The following OTUD7A variants were observed in gnomAD, a reference collection of about 807,000 sequenced individuals.
The protein encoded by OTUD7A is OTU domain-containing protein 7A.
A neutral mutation model predicts 65.7 loss-of-function variants in OTUD7A; 12 were observed. The ratio of observed to expected loss-of-function variants is 0.18; its 90% CI spans 0.12 to 0.30. OTUD7A has a LOEUF of 0.30. Ranked by LOEUF, OTUD7A falls within the 10% of genes least tolerant of loss-of-function variation. OTUD7A has a pLI of 1.00. For synonymous variants in OTUD7A, 641 were observed against 586.3 expected (o/e 1.09, Z -1.35); for missense variants, 1,148 against 1,304.8 (o/e 0.88, Z 1.85).
intron 3 of OTUD7A, among the ~76,000 whole-genome samples, chr15:31,634,355 A>C (rs1009758363): frequency 1.3e-5 from 2 of 152,106 alleles, no homozygotes; most frequent in African/African-American, 2.4e-5. Flanking sequence ...ACAGCAAGCA[A>C]ACCAGCCATG....
intron 10 of OTUD7A, among the ~76,000 whole-genome samples, chr15:31,488,259 C>T: frequency 6.6e-6 from 1 of 152,264 alleles, no homozygotes; most frequent in East Asian, 1.9e-4. Context: ...CAGTGATGAG[C>T]CACTGGCTGG....
intron 3 of OTUD7A, among the ~76,000 whole-genome samples, chr15:31,630,521 C>G (rs1337760563): frequency 6.6e-6 from 1 of 152,030 alleles, no homozygotes; most frequent in Non-Finnish European, 1.5e-5. Context: ...ACTATGTGGT[C>G]AATTTTGGAA....
chr15:31,740,570 A>T (rs1894315612), intron 1 of OTUD7A, among the ~76,000 whole-genome samples: 1 of 152,138 alleles, frequency 6.6e-6, no homozygotes. Context: ...GTGAATTCTC[A>T]ATGTATTTTG....
intron 3 of OTUD7A, among the ~76,000 whole-genome samples, chr15:31,618,648 C>G (rs910969799): frequency 2.0e-5 from 3 of 151,828 alleles, no homozygotes. Context: ...TAAATTTGTT[C>G]GAGTTCTTTG....
chr15:31,568,909 C>T (rs528932151), intron 4 of OTUD7A, among the ~76,000 whole-genome samples: 2 of 152,316 alleles, frequency 1.3e-5, no homozygotes, highest in African/African-American at 4.8e-5. Context: ...GAGGCCTCCC[C>T]AGAAGCTGAG....
At chr15:31,771,860 G>A (rs1243301541) in intron 1 of OTUD7A, among the ~76,000 whole-genome samples, 1 of 152,110 alleles carries the variant, frequency 6.6e-6, no homozygotes, top group Non-Finnish European at 1.5e-5. Flanking sequence ...GACTTGTAGT[G>A]CTCATCCATG....
intron 3 of OTUD7A, among the ~76,000 whole-genome samples, chr15:31,592,262 A>G (rs1247318712): frequency 2.6e-5 from 4 of 152,316 alleles, no homozygotes; most frequent in Non-Finnish European, 5.9e-5. Flanking sequence ...ATAAATTTTT[A>G]AAACTTTTTG....
rs1381156982 is a variant in OTUD7A, at chr15:31,559,172, C to CG, written c.346dup (p.Arg116ProfsTer21). On this transcript the variant is annotated frameshift_variant, in exon 5 of 13. Coordinates refer to ENST00000307050, the MANE Select transcript of OTUD7A (RefSeq NM_001382637.1). LOFTEE classifies it high-confidence loss of function. Reference sequence around the variant, plus strand: ...GGCTGAGCTGGCGTGGGAAATCCCCCGGGAAAGCCGCTTTTCTGCAGGGGG... The same window carrying CG: ...GGCTGAGCTGGCGTGGGAAATCCCCCGGGGAAAGCCGCTTTTCTGCAGGGGG... 2 of 1,613,108 alleles carry CG rather than the reference C, an allele frequency of 1.2e-6. No homozygotes were observed. The highest frequency in any genetic ancestry group is 1.7e-5 in the Admixed American group (1 of 59,982).
intron 1 of OTUD7A, among the ~76,000 whole-genome samples, chr15:31,822,967 C>T (rs1015525477): frequency 2.4e-4 from 36 of 152,148 alleles, no homozygotes; most frequent in African/African-American, 8.7e-4. Context: ...CATGTAAAAA[C>T]TACAGAGAGT....
chr15:31,610,593 T>TTTTATATA (rs1555401165), intron 3 of OTUD7A, among the ~76,000 whole-genome samples: 1 of 81,014 alleles, frequency 1.2e-5, no homozygotes, highest in African/African-American at 6.0e-5. Context: ...AAAAATGAAA[T>TTTTATATA]TATATATATA....
intron 10 of OTUD7A, among the ~76,000 whole-genome samples, chr15:31,491,426 GT>G (rs776483741): frequency 6.6e-6 from 1 of 152,208 alleles, no homozygotes; most frequent in East Asian, 1.9e-4. Context: ...AATCTGATCT[GT>G]AAACCTCAAG....
rs551575037 is a variant in OTUD7A at position 31,571,805 on chromosome 15, T to C, written c.152-1608A>G. On this transcript the variant is annotated intron_variant, in intron 3 of 12. Coordinates refer to ENST00000307050, the MANE Select transcript of OTUD7A (RefSeq NM_001382637.1). ...CGGACTTATCTATACTCCGTGAGTT[T>C]CTCATTCAACTGTTACTAATGCCAT... 2.6e-5 allele frequency among the ~76,000 whole-genome samples: 4 copies of C among 152,260 alleles called. No homozygotes were observed. In the East Asian group the frequency reaches 7.7e-4, roughly 29 times the overall value.
chr15:31,520,458 T>A (rs1350017100), intron 8 of OTUD7A, among the ~76,000 whole-genome samples: 1 of 152,212 alleles, frequency 6.6e-6, no homozygotes, highest in Non-Finnish European at 1.5e-5. Flanking sequence ...TGCAGAAGAA[T>A]GAGATTGGAC....
At chr15:31,611,636 A>G (rs1890424368) in intron 3 of OTUD7A, among the ~76,000 whole-genome samples, 1 of 152,176 alleles carries the variant, frequency 6.6e-6, no homozygotes, top group South Asian at 2.1e-4. Context: ...CAGACCAATA[A>G]CAAGCAGGGA....
intron 3 of OTUD7A, 23 bp from the exon 4 acceptor site, chr15:31,570,220 G>A: frequency 6.2e-7 from 1 of 1,612,282 alleles, no homozygotes. Flanking sequence ...AATGACAAGA[G>A]GTGACAATAC....
At chr15:31,806,936 G>A (rs1896284489) in intron 1 of OTUD7A, among the ~76,000 whole-genome samples, 2 of 152,148 alleles carry the variant, frequency 1.3e-5, no homozygotes, top group African/African-American at 4.8e-5. Flanking sequence ...CCCATCCTAA[G>A]CCATCACCTG....
intron 5 of OTUD7A, among the ~76,000 whole-genome samples, chr15:31,543,057 T>C (rs552675429): frequency 6.6e-6 from 1 of 151,868 alleles, no homozygotes; most frequent in East Asian, 1.9e-4. Flanking sequence ...GGTAAGCATA[T>C]GGGTAAATCA....
At chr15:31,764,518 C>T (rs189574487) in intron 1 of OTUD7A, among the ~76,000 whole-genome samples, 1 of 152,106 alleles carries the variant, frequency 6.6e-6, no homozygotes, top group African/African-American at 2.4e-5. Flanking sequence ...CAAGTTTGTA[C>T]CAAGTCAATC....
intron 3 of OTUD7A, among the ~76,000 whole-genome samples, chr15:31,581,873 C>T (rs1360692381): frequency 6.6e-6 from 1 of 152,212 alleles, no homozygotes; most frequent in Non-Finnish European, 1.5e-5. Context: ...CTGCAGCTGG[C>T]TTGAGTTTCC....
Sources: gnomAD v4.1 joint callset for allele counts (sites outside exome capture counted in the v4.1 genomes callset) on GRCh38, gnomAD v4.1.1 for gene constraint, MANE v1.5 for transcripts, NCBI Gene and HGNC (gene_info 2026-07-23, HGNC 2026-07-21) for gene names.